KCNH7: variants seen among roughly 807,000 people sequenced by gnomAD.
The protein encoded by KCNH7 is voltage-gated inwardly rectifying potassium channel KCNH7.
KCNH7 carries 49 observed loss-of-function variants against 120.8 expected under a neutral mutation model. The observed-to-expected ratio is 0.41, with a 90% CI of 0.32 to 0.51. The LOEUF is 0.51. Among genes scored for constraint, KCNH7 ranks in the 20% least tolerant of loss-of-function variants. The pLI is 0.38. For missense variants in KCNH7, 1,097 were observed against 1,446.6 expected (o/e 0.76, Z 3.92); for synonymous variants, 547 against 516.1 (o/e 1.06, Z -0.81).
At chr2:162,649,009 G>A (rs1391205857) in intron 2 of KCNH7, among the ~76,000 whole-genome samples, 2 of 152,146 alleles carry the variant, frequency 1.3e-5, no homozygotes, top group Non-Finnish European at 2.9e-5. Context: ...TGTTTCACAT[G>A]TCATTCTTGA....
At chr2:162,435,713 GC>G (rs1688211318) in intron 7 of KCNH7, 116 bp from the exon 8 acceptor site, 1 of 983,590 alleles carries the variant, frequency 1.0e-6, no homozygotes. Flanking sequence ...AAGGATAACT[GC>G]CTATTTAAAT....
chr2:162,462,388 C>T (rs1018603758), intron 6 of KCNH7, among the ~76,000 whole-genome samples: 1 of 151,954 alleles, frequency 6.6e-6, no homozygotes, highest in South Asian at 2.1e-4. Flanking sequence ...TGTTTATGTC[C>T]TTTATCGAAT....
At chr2:162,835,441 A>G (rs1298299586) in intron 2 of KCNH7, among the ~76,000 whole-genome samples, 1 of 152,068 alleles carries the variant, frequency 6.6e-6, no homozygotes, top group East Asian at 1.9e-4. Context: ...CATATTTATC[A>G]AAAGCTTAAG....
At chr2:162,526,292 A>G (rs1691702734) in intron 3 of KCNH7, among the ~76,000 whole-genome samples, 1 of 151,924 alleles carries the variant, frequency 6.6e-6, no homozygotes, top group Non-Finnish European at 1.5e-5. Context: ...ACCGAGGTGA[A>G]ATTAAAATTG....
At chr2:162,629,327 A>G (rs920528812) in intron 2 of KCNH7, among the ~76,000 whole-genome samples, 5 of 152,008 alleles carry the variant, frequency 3.3e-5, no homozygotes, top group Admixed American at 6.6e-5. Flanking sequence ...TTCCCCCACC[A>G]TTCCCATTGC....
intron 2 of KCNH7, among the ~76,000 whole-genome samples, chr2:162,816,760 G>A (rs1684929564): frequency 6.6e-6 from 1 of 152,100 alleles, no homozygotes; most frequent in African/African-American, 2.4e-5. Context: ...TAAACCAATG[G>A]CTTATCAGTA....
intron 2 of KCNH7, among the ~76,000 whole-genome samples, chr2:162,815,667 T>C (rs1684892181): frequency 6.6e-6 from 1 of 152,294 alleles, no homozygotes; most frequent in Middle Eastern, 3.4e-3. Context: ...AAATGTTAAT[T>C]GTGCATCTCA....
At chr2:162,620,775 CT>C (rs34267598) in intron 2 of KCNH7, among the ~76,000 whole-genome samples, 3 of 152,090 alleles carry the variant, frequency 2.0e-5, no homozygotes, top group East Asian at 1.9e-4. Context: ...TTTCTTGCAT[CT>C]TTTTTTAGGT....
chr2:162,776,638 A>G (rs1357148409), intron 2 of KCNH7, among the ~76,000 whole-genome samples: 1 of 152,092 alleles, frequency 6.6e-6, no homozygotes, highest in Non-Finnish European at 1.5e-5. Flanking sequence ...TAGTCTCTAA[A>G]AGAGACAGTA....
At chr2:162,571,231 A>G (rs1280515762) in intron 2 of KCNH7, among the ~76,000 whole-genome samples, 1 of 152,074 alleles carries the variant, frequency 6.6e-6, no homozygotes, top group Non-Finnish European at 1.5e-5. Context: ...AAAAATCACA[A>G]GCATTCTTAT....
At chr2:162,768,682 G>A (rs926109082) in intron 2 of KCNH7, among the ~76,000 whole-genome samples, 2 of 152,166 alleles carry the variant, frequency 1.3e-5, no homozygotes, top group African/African-American at 4.8e-5. Flanking sequence ...AGTGTTGTCA[G>A]GTTCTGCAGC....
chr2:162,768,373 A>G lies in KCNH7; in HGVS notation c.307+68164T>C, dbSNP rs2105466330. Among the ~76,000 whole-genome samples the G allele has an allele frequency of 1.3e-5, 2 of 152,166 alleles. 1 individual carries two copies. Among genetic ancestry groups the G allele is most frequent in the South Asian group, 4.1e-4 (2 of 4,830 alleles). Reference sequence around the variant, plus strand: ...AAATTGTGCCTTTATGTTTTACCACATGGAGGGAAAAAACCCAACAGCATC... The same window carrying G: ...AAATTGTGCCTTTATGTTTTACCACGTGGAGGGAAAAAACCCAACAGCATC... On this transcript the variant is annotated intron_variant, in intron 2 of 15. Coordinates refer to ENST00000332142, the MANE Select transcript of KCNH7 (RefSeq NM_033272.4).
chr2:162,582,890 G>A (rs1234707851), intron 2 of KCNH7, among the ~76,000 whole-genome samples: 1 of 152,084 alleles, frequency 6.6e-6, no homozygotes, highest in African/African-American at 2.4e-5. Context: ...GAGGACACCT[G>A]TATCTAGAAA....
intron 2 of KCNH7, among the ~76,000 whole-genome samples, chr2:162,766,244 G>A (rs1682802281): frequency 6.6e-6 from 1 of 152,100 alleles, no homozygotes; most frequent in Admixed American, 6.6e-5. Context: ...TTATTGATCA[G>A]GAAAGTTCAA....
chr2:162,836,546 G>T lies in KCNH7; in HGVS notation c.298C>A (p.His100Asn). The change falls in exon 2 of 16, where the codon CAC (histidine) becomes AAC (asparagine). Residue 100 changes from histidine (H) to asparagine (N), a missense_variant. His to Asn is a moderately conservative substitution (Grantham distance 68). Transcript: ENST00000332142. ...EERKVEVTYY[H>N]KNGSTFICNT... The stretch of plus-strand genomic sequence containing the variant: ...AATAGAGGAATTTTACCATTTTTGT[G>T]ATAGTAGGTGACCTCCACTTTCCTC... The T allele has an allele frequency of 6.2e-7, 1 of 1,612,234 alleles. No individual in the cohort carries two copies. Among genetic ancestry groups the T allele is most frequent in the Middle Eastern group, 1.7e-4 (1 of 6,056 alleles).
chr2:162,441,005 C>A (rs1317493653), intron 7 of KCNH7, among the ~76,000 whole-genome samples: 3 of 152,070 alleles, frequency 2.0e-5, no homozygotes, highest in Admixed American at 6.6e-5. Flanking sequence ...CAATCACATA[C>A]AAACGAACAA....
chr2:162,422,570 G>A (rs12469169), intron 9 of KCNH7, among the ~76,000 whole-genome samples: 3,124 of 152,098 alleles, frequency 0.021, 211 homozygotes, highest in Admixed American at 0.15. Flanking sequence ...GAGCCAAATT[G>A]CAAGGTAAAA....
In KCNH7 at chr2:162,537,149, A is replaced by C. The variant is rs545848655; in HGVS notation, c.308-69T>G. 93 of 1,236,044 alleles carry C rather than the reference A, an allele frequency of 7.5e-5. No homozygotes were observed. The African/African-American group carries it at 1.3e-3, about 17-fold the overall frequency. The allele number at this position is 1,236,044 out of a possible 1,614,324, so 76.6% of individuals were successfully genotyped here. On this transcript the variant is annotated intron_variant, in intron 2 of 15. Transcript: ENST00000332142. ...TTCTGAACTATCAAGTAACATTAAAATTGAAATATACTCTTAAGGAAATTT... is the reference window on the plus strand; with the variant it reads ...TTCTGAACTATCAAGTAACATTAAACTTGAAATATACTCTTAAGGAAATTT...
At chr2:162,837,040 C>T (rs1460501379) in intron 1 of KCNH7, among the ~76,000 whole-genome samples, 1 of 152,144 alleles carries the variant, frequency 6.6e-6, no homozygotes, top group Middle Eastern at 3.2e-3. Context: ...TTCTCAAGCC[C>T]TGCAACTGCG....
Sources: gnomAD v4.1 joint callset for allele counts (sites outside exome capture counted in the v4.1 genomes callset) on GRCh38, gnomAD v4.1.1 for gene constraint, MANE v1.5 for transcripts, NCBI Gene and HGNC (gene_info 2026-07-23, HGNC 2026-07-21) for gene names.